SCAF4: variants seen among roughly 807,000 people sequenced by gnomAD.
The protein encoded by SCAF4 is SR-related and CTD-associated factor 4.
SCAF4 carries 25 observed loss-of-function variants against 129.8 expected under a neutral mutation model. That is an observed-to-expected ratio of 0.19 (90% confidence interval 0.14 to 0.27). The LOEUF (loss-of-function observed/expected upper bound fraction) is 0.27. Ranked by LOEUF, SCAF4 falls within the 10% of genes least tolerant of loss-of-function variation. The pLI, the probability that SCAF4 is intolerant of heterozygous loss-of-function variation, is 1.00. For missense variants in SCAF4, 1,246 were observed against 1,457.1 expected, an observed-to-expected ratio of 0.86 and a Z score of 2.36; for synonymous variants, 551 against 497.7, an observed-to-expected ratio of 1.11 and a Z score of -1.43.
intron 7 of SCAF4, chr21:31,700,741 CTTTT>C (rs79606547): frequency 1.7e-4 from 48 of 290,046 alleles, no homozygotes; most frequent in East Asian, 2.8e-4. Flanking sequence ...CTAACTTTTT[CTTTT>C]TTTTTTTTTT....
At chr21:31,683,682 G>A (rs903446662) in intron 19 of SCAF4, among the ~76,000 whole-genome samples, 5 of 151,480 alleles carry the variant, frequency 3.3e-5, no homozygotes, top group Admixed American at 2.0e-4. Flanking sequence ...TCCAGATTCT[G>A]TGATTCTTGT....
Position 31,721,366 on chromosome 21 carries a change from G to A in SCAF4, c.30+10297C>T, listed in dbSNP as rs557277142. Among the ~76,000 whole-genome samples, 148 of 152,136 alleles carry A rather than the reference G, an allele frequency of 9.7e-4. 1 individual carries two copies. Among genetic ancestry groups the A allele is most frequent in the Non-Finnish European group, 1.9e-3 (130 of 68,028 alleles). ...AACTAAGTCATGTATGGCCATTAAA[G>A]TTTAAAGACTATTATATATTTCTTA... is the stretch of plus-strand genomic sequence containing the variant. On this transcript the variant is annotated intron_variant, in intron 1 of 19. Transcript: ENST00000286835.
At chr21:31,692,738 T>C (rs1427580254) in intron 12 of SCAF4, among the ~76,000 whole-genome samples, 1 of 152,188 alleles carries the variant, frequency 6.6e-6, no homozygotes, top group Non-Finnish European at 1.5e-5. Flanking sequence ...AGCAATAACT[T>C]GCCCACCTCA....
chr21:31,710,286 C>T (rs1668822428), intron 1 of SCAF4, among the ~76,000 whole-genome samples: 1 of 152,030 alleles, frequency 6.6e-6, no homozygotes, highest in Non-Finnish European at 1.5e-5. Context: ...CGGTGGCTCA[C>T]ACCTGTAATC....
At chr21:31,709,663 C>A (rs2050753254) in intron 1 of SCAF4, among the ~76,000 whole-genome samples, 1 of 152,080 alleles carries the variant, frequency 6.6e-6, no homozygotes, top group African/African-American at 2.4e-5. Context: ...AGCAAGAGAA[C>A]AGTCAGGTAC....
intron 1 of SCAF4, among the ~76,000 whole-genome samples, chr21:31,718,813 C>T (rs960586824): frequency 1.4e-4 from 22 of 152,336 alleles, no homozygotes; most frequent in Non-Finnish European, 1.8e-4. Flanking sequence ...CTTACTTCTT[C>T]CTAAATTTCT....
chr21:31,701,746 A>G (rs2050537734), intron 6 of SCAF4, 30 bp downstream of exon 6: 1 of 1,586,206 alleles, frequency 6.3e-7, no homozygotes, highest in South Asian at 1.2e-5. Context: ...TAGTCCTGCA[A>G]ACAATTTCAC....
intron 12 of SCAF4, among the ~76,000 whole-genome samples, chr21:31,692,848 C>T (rs1601209402): frequency 1.3e-5 from 2 of 152,196 alleles, no homozygotes; most frequent in East Asian, 1.9e-4. Flanking sequence ...CCTTTCTCCA[C>T]TCTTAAGTGT....
At chr21:31,684,999 TGGG>T in intron 19 of SCAF4, 47 bp downstream of exon 19, 5 of 561,748 alleles carry the variant, frequency 8.9e-6, no homozygotes, top group Non-Finnish European at 1.2e-5. Context: ...GGTGGGGGGG[TGGG>T]GGGGGGGTGG....
chr21:31,685,518 T>C, intron 17 of SCAF4, 34 bp from the exon 18 acceptor site: 4 of 1,613,346 alleles, frequency 2.5e-6, no homozygotes, highest in Non-Finnish European at 3.4e-6. Flanking sequence ...ACTTATGCTG[T>C]ATCACTCCAT....
chr21:31,672,372 T>C lies in SCAF4; in HGVS notation c.2489-18A>G. 3 of 1,583,374 alleles carry C rather than the reference T, an allele frequency of 1.9e-6. No individual in the cohort carries two copies. Among genetic ancestry groups the C allele is most frequent in the Non-Finnish European group, 2.6e-6 (3 of 1,153,732 alleles). On this transcript the variant is annotated intron_variant, in intron 19 of 19. Transcript: ENST00000286835. ...TTGAGTGCCTAAAAGACGACAAAAA[T>C]AAAAATGTAAACACCACCGAAGATG...
chr21:31,677,877 C>T (rs2049898219), intron 19 of SCAF4, among the ~76,000 whole-genome samples: 1 of 152,070 alleles, frequency 6.6e-6, no homozygotes, highest in Non-Finnish European at 1.5e-5. Flanking sequence ...TTCAGTCTCC[C>T]CATCTATAAA....
In SCAF4 at chr21:31,708,812, T is replaced by C. The variant is rs1166859993; in HGVS notation, c.31-2455A>G. On this transcript the variant is annotated intron_variant, in intron 1 of 19. Coordinates refer to ENST00000286835, the MANE Select transcript of SCAF4 (RefSeq NM_020706.2). Reference sequence around the variant, plus strand: ...GATTCATGCCAAACACTTAAGACACTGCTATATTTTGGATAGATTAAATCT... The same window carrying C: ...GATTCATGCCAAACACTTAAGACACCGCTATATTTTGGATAGATTAAATCT... Among the ~76,000 whole-genome samples, 4 of 152,190 alleles carry C rather than the reference T, an allele frequency of 2.6e-5. No individual in the cohort carries two copies. The East Asian group carries it at 7.7e-4, about 29-fold the overall frequency.
intron 15 of SCAF4, among the ~76,000 whole-genome samples, chr21:31,689,396 C>A (rs1459691863): frequency 6.6e-6 from 1 of 151,566 alleles, no homozygotes; most frequent in East Asian, 2.0e-4. Flanking sequence ...CTTCTGAGTT[C>A]CAGTGATTCT....
At chr21:31,704,101 A>AAG (rs1387170033) in intron 3 of SCAF4, among the ~76,000 whole-genome samples, 175 bp from the exon 4 acceptor site, 10 of 151,996 alleles carry the variant, frequency 6.6e-5, no homozygotes, top group Admixed American at 3.9e-4. Flanking sequence ...CCATGTCTAT[A>AAG]ATGGAACTAC....
At position 31,692,466 on chromosome 21, in the gene SCAF4, A is replaced by C. The variant is rs767408673; in HGVS notation, c.1514-17T>G. 2 of 1,544,582 alleles carry C rather than the reference A, an allele frequency of 1.3e-6. No homozygotes were observed. Among genetic ancestry groups the C allele is most frequent in the South Asian group, 2.2e-5 (2 of 89,350 alleles). ...TACTGCAAACTTAAAATAAAATTACAATCATAAAGAGATTCACATTTGATA... is the reference window on the plus strand; with the variant it reads ...TACTGCAAACTTAAAATAAAATTACCATCATAAAGAGATTCACATTTGATA... On this transcript the variant is annotated splice_polypyrimidine_tract_variant and intron_variant, in intron 12 of 19. Coordinates refer to ENST00000286835, the MANE Select transcript of SCAF4 (RefSeq NM_020706.2).
In SCAF4 at chr21:31,694,244, T is replaced by A. The variant is rs1423936160; in HGVS notation, c.1282A>T (p.Met428Leu). Residue 428 changes from methionine to leucine, a missense_variant, in exon 11 of 20, where the codon ATG becomes TTG. Physicochemically the swap from Met to Leu is conservative, Grantham distance 15. Coordinates refer to ENST00000286835, the MANE Select transcript of SCAF4 (RefSeq NM_020706.2). ...GATCTTGACTTTCTGTTATCAGACA[T>A]ATGTCGCTTAACCTCTTGAATACAA... ...QPCIQEVKRH[M>L]SDNRKSRSRS... 2 of 1,610,562 alleles carry A rather than the reference T, an allele frequency of 1.2e-6. No individual in the cohort carries two copies. Among genetic ancestry groups the A allele is most frequent in the South Asian group, 2.2e-5 (2 of 90,848 alleles).
rs1475577629 is a variant in SCAF4, at chr21:31,731,887, G to A, written c.-195C>T. 3.7e-6 allele frequency: 2 copies of A among 534,758 alleles called. No homozygotes were observed. Among genetic ancestry groups the A allele is most frequent in the East Asian group, 6.9e-5 (2 of 28,802 alleles). The allele number at this position is 534,758 out of a possible 1,614,324, so 33.1% of individuals were successfully genotyped here. Reference sequence around the variant, plus strand: ...GCCGAGGCAGAGGCGGAGAGGTGGCGGGCCCCCTCTCAGTCCCGTTCGCAG... The same window carrying A: ...GCCGAGGCAGAGGCGGAGAGGTGGCAGGCCCCCTCTCAGTCCCGTTCGCAG... On this transcript the variant is annotated 5_prime_UTR_variant, in exon 1 of 20. Transcript: ENST00000286835.
intron 4 of SCAF4, among the ~76,000 whole-genome samples, chr21:31,702,673 C>T (rs150074595): frequency 2.6e-5 from 4 of 152,246 alleles, no homozygotes; most frequent in East Asian, 1.9e-4. Context: ...TAAACTATCA[C>T]TGACCCCCCA....
Sources: allele counts gnomAD v4.1 joint callset (sites outside exome capture counted in the v4.1 genomes callset), GRCh38; gene constraint gnomAD v4.1.1; transcripts MANE v1.5; gene names NCBI Gene and HGNC (gene_info 2026-07-23, HGNC 2026-07-21).